The following PTPRM variants were observed in gnomAD, a reference collection of about 807,000 sequenced individuals.
PTPRM encodes receptor-type tyrosine-protein phosphatase mu.
PTPRM carries 47 observed loss-of-function variants against 186.7 expected under a neutral mutation model. The observed-to-expected ratio is 0.25, with a 90% CI of 0.20 to 0.32. The LOEUF is 0.32. PTPRM is among the 10% of genes least tolerant of loss of function. The probability of loss-of-function intolerance (pLI) is 1.00; values close to 1 mark genes in which losing one functional copy is unlikely to be tolerated. For missense variants in PTPRM, 1,494 were observed against 1,865.0 expected (o/e 0.80, Z 3.66); for synonymous variants, 668 against 674.9 (o/e 0.99, Z 0.16).
intron 14 of PTPRM, among the ~76,000 whole-genome samples, chr18:8,228,114 G>C (rs1469156663): frequency 1.3e-5 from 2 of 152,236 alleles, no homozygotes; most frequent in African/African-American, 4.8e-5. Flanking sequence ...TTACTCCCAA[G>C]TGGAGGGTGT....
chr18:7,850,614 A>C (rs936804315), intron 2 of PTPRM, among the ~76,000 whole-genome samples: 1 of 152,178 alleles, frequency 6.6e-6, no homozygotes, highest in South Asian at 2.1e-4. Flanking sequence ...TGGGACCTCA[A>C]AGGGTTTCAC....
intron 1 of PTPRM, among the ~76,000 whole-genome samples, chr18:7,748,778 A>G (rs1045792119): frequency 4.6e-5 from 7 of 152,128 alleles, no homozygotes; most frequent in African/African-American, 1.7e-4. Context: ...CTTTTAAACA[A>G]TCTGAAAAAC....
rs577027788 is a variant in PTPRM at position 8,330,232 on chromosome 18, G to T, written c.2956+11018G>T. Among the ~76,000 whole-genome samples the T allele has an allele frequency of 2.0e-5, 3 of 152,228 alleles. No homozygotes were observed. The South Asian group carries it at 6.2e-4, about 32-fold the overall frequency. ...CACCAGGTTTCTTTTTCACCCATGG[G>T]CACAGTTTAGGACCAGTTTTTCAAG... On this transcript the variant is annotated intron_variant, in intron 22 of 32. Transcript: ENST00000580170.
At chr18:7,889,337 T>TTTC (rs2048945628) in intron 3 of PTPRM, among the ~76,000 whole-genome samples, 1 of 63,454 alleles carries the variant, frequency 1.6e-5, no homozygotes. Context: ...TTCTTTCTTT[T>TTTC]TTTTTTTTTT....
chr18:7,667,137 A>G (rs2039114372), intron 1 of PTPRM, among the ~76,000 whole-genome samples: 1 of 152,202 alleles, frequency 6.6e-6, no homozygotes, highest in Non-Finnish European at 1.5e-5. Context: ...CTGGCTGTAC[A>G]TTTACATTTT....
intron 1 of PTPRM, among the ~76,000 whole-genome samples, chr18:7,598,579 C>T (rs1043404161): frequency 6.6e-6 from 1 of 152,122 alleles, no homozygotes; most frequent in African/African-American, 2.4e-5. Context: ...TCTGGGTATC[C>T]TTTTATAACA....
At position 8,370,971 on chromosome 18, in the gene PTPRM, G is replaced by T. The variant is rs1259966292; in HGVS notation, c.3136G>T (p.Ala1046Ser). ...KVTLIETELL[A>S]EYVIRTFAVE... The stretch of plus-strand genomic sequence containing the variant: ...TACCCTAATAGAAACAGAACTACTG[G>T]CAGAATATGTGATAAGAACATTTGC... The change falls in exon 24 of 33, where the codon GCA becomes TCA. Residue 1046 changes from alanine to serine, a missense_variant. By Grantham distance (99) the Ala-to-Ser change is moderately conservative (BLOSUM62 1). This residue lies in a region of PTPRM where 1,107 missense variants were observed against 1,350.2 expected (regional missense o/e 0.82). Coordinates refer to ENST00000580170, the MANE Select transcript of PTPRM (RefSeq NM_001105244.2). 15 of 1,602,548 alleles carry T rather than the reference G, an allele frequency of 9.4e-6. No individual in the cohort carries two copies. The highest frequency in any genetic ancestry group is 1.3e-5 in the Non-Finnish European group (15 of 1,170,740).
At chr18:7,763,301 C>T (rs1182913010) in intron 1 of PTPRM, among the ~76,000 whole-genome samples, 1 of 152,168 alleles carries the variant, frequency 6.6e-6, no homozygotes, top group Non-Finnish European at 1.5e-5. Context: ...CAGAGGCTAA[C>T]TAGGTGGAGG....
At chr18:8,302,920 A>T (rs944300947) in intron 20 of PTPRM, among the ~76,000 whole-genome samples, 1 of 152,026 alleles carries the variant, frequency 6.6e-6, no homozygotes, top group African/African-American at 2.4e-5. Flanking sequence ...ACATATTGAG[A>T]TGCTTTTGAA....
intron 6 of PTPRM, among the ~76,000 whole-genome samples, chr18:7,951,738 A>G (rs2052973746): frequency 6.6e-6 from 1 of 152,140 alleles, no homozygotes; most frequent in Non-Finnish European, 1.5e-5. Context: ...ATATAGATAT[A>G]TTTTTTAATG....
At chr18:8,091,587 ATTT>A (rs371274350) in intron 11 of PTPRM, among the ~76,000 whole-genome samples, 3 of 140,204 alleles carry the variant, frequency 2.1e-5, no homozygotes, top group African/African-American at 2.6e-5. Flanking sequence ...TGTCGAAAAG[ATTT>A]TTTTTTTTTT....
chr18:7,949,120 A>C, intron 5 of PTPRM, 61 bp from the exon 6 acceptor site: 1 of 1,438,430 alleles, frequency 7.0e-7, no homozygotes, highest in East Asian at 2.3e-5. Context: ...TGGGTGTCTG[A>C]CTGTTTTGCT....
intron 7 of PTPRM, among the ~76,000 whole-genome samples, chr18:8,046,436 A>G (rs1051594423): frequency 1.3e-5 from 2 of 152,164 alleles, no homozygotes; most frequent in African/African-American, 4.8e-5. Flanking sequence ...TGCATAGCTG[A>G]GTATACCACT....
intron 14 of PTPRM, among the ~76,000 whole-genome samples, chr18:8,215,484 C>T (rs1209043878): frequency 1.3e-5 from 2 of 150,892 alleles, no homozygotes; most frequent in African/African-American, 4.9e-5. Context: ...TCTTTCTCTC[C>T]TTGCCTTAAT....
In PTPRM at chr18:8,344,448, G is replaced by GTATATATATATATATATATATATA. The variant is rs1207996603; in HGVS notation, c.3054+932_3054+955dup. On this transcript the variant is annotated intron_variant, in intron 23 of 32. Transcript: ENST00000580170. Reference sequence around the variant, plus strand: ...TATATATATGTGTGTGTGTGTGTGTGTATATATATATATATATATATATAT... The same window carrying GTATATATATATATATATATATATA: ...TATATATATGTGTGTGTGTGTGTGTGTATATATATATATATATATATATATATATATATATATATATATATATAT... Among the ~76,000 whole-genome samples, 72 of 33,340 alleles carry GTATATATATATATATATATATATA rather than the reference G, an allele frequency of 2.2e-3. 1 individual carries two copies. Among genetic ancestry groups the GTATATATATATATATATATATATA allele is most frequent in the Non-Finnish European group, 5.4e-3 (50 of 9,270 alleles). 21.9% of individuals were successfully genotyped at this position (33,340 alleles called of 152,430 possible). A position where few individuals can be genotyped will look rare whatever the true frequency, so the allele number is the denominator to read the frequency against.
intron 2 of PTPRM, among the ~76,000 whole-genome samples, chr18:7,863,534 C>T (rs560505388): frequency 6.6e-6 from 1 of 152,042 alleles, no homozygotes; most frequent in African/African-American, 2.4e-5. Flanking sequence ...TGAACTCATC[C>T]TTTTTTATGG....
intron 16 of PTPRM, 114 bp downstream of exon 16, chr18:8,248,033 A>T: frequency 7.4e-7 from 1 of 1,354,216 alleles, no homozygotes; most frequent in Non-Finnish European, 1.1e-6. Context: ...GAGATGTTGT[A>T]ACCCAATGCG....
At position 8,368,918 on chromosome 18, in the gene PTPRM, A is replaced by G. The variant is rs551063233; in HGVS notation, c.3055-1972A>G. Among the ~76,000 whole-genome samples, 142 of 152,324 alleles carry G rather than the reference A, an allele frequency of 9.3e-4. 1 individual carries two copies. The highest frequency in any genetic ancestry group is 5.1e-4 in the Non-Finnish European group (35 of 68,026). On this transcript the variant is annotated intron_variant, in intron 23 of 32. Transcript: ENST00000580170. ...GCTGGCCAGGAATAAGTTTACAGTC[A>G]AACAGTGCAAGAAGGGCATCATACC...
At chr18:8,240,469 G>A (rs1601416294) in intron 14 of PTPRM, among the ~76,000 whole-genome samples, 1 of 67,492 alleles carries the variant, frequency 1.5e-5, no homozygotes, top group African/African-American at 6.8e-5. Context: ...GAGAGAGGGA[G>A]GGAGGGAGGG....
Sources: gnomAD v4.1 joint callset for allele counts (sites outside exome capture counted in the v4.1 genomes callset) on GRCh38, gnomAD v4.1.1 for gene constraint, gnomAD v4.1.1 regional missense constraint, MANE v1.5 for transcripts, NCBI Gene and HGNC (gene_info 2026-07-23, HGNC 2026-07-21) for gene names.